Variants in FUT8 observed in about 807,000 individuals in gnomAD.
The protein encoded by FUT8 is fucosyltransferase 8.
FUT8 carries 29 observed loss-of-function variants against 71.3 expected under a neutral mutation model. That is an observed-to-expected ratio of 0.41 (90% CI 0.30 to 0.55). The LOEUF (loss-of-function observed/expected upper bound fraction) is 0.55. Among genes scored for constraint, FUT8 ranks in the 20% least tolerant of loss-of-function variants. The probability of loss-of-function intolerance (pLI) is 0.34; values close to 1 mark genes in which losing one functional copy is unlikely to be tolerated. For missense variants in FUT8, 544 were observed against 702.1 expected, an observed-to-expected ratio of 0.77 and a Z score of 2.55; for synonymous variants, 254 against 239.3, an observed-to-expected ratio of 1.06 and a Z score of -0.57.
rs532826662 is a variant in FUT8 at position 65,643,260 on chromosome 14, T to C, written c.597+13654T>C. Among the ~76,000 whole-genome samples the C allele has an allele frequency of 1.3e-5, 2 of 152,312 alleles. No individual in the cohort carries two copies. The highest frequency in any genetic ancestry group is 2.9e-5 in the Non-Finnish European group (2 of 68,028). The stretch of plus-strand genomic sequence containing the variant: ...ATATTTTTATATATTCAAATTCTCT[T>C]AATTATCAATAATAAAAGGCTTTCA... On this transcript the variant is annotated intron_variant, in intron 6 of 10. Transcript: ENST00000673929. This position sits in a 1 kb window ranked among gnomAD's most constrained non-coding sequence, Gnocchi z 4.5.
chr14:65,370,209 T>G, the FUT8 span, among the ~76,000 whole-genome samples: 1 of 137,102 alleles, frequency 7.3e-6, no homozygotes, highest in Middle Eastern at 3.5e-3. Flanking sequence ...GTCTTTTTTT[T>G]TTTTTTTTTT....
intron 1 of FUT8, among the ~76,000 whole-genome samples, chr14:65,431,098 T>C (rs952766961): frequency 1.3e-5 from 2 of 149,662 alleles, no homozygotes; most frequent in Non-Finnish European, 3.0e-5. Context: ...CGGGTTCAAA[T>C]GATTCTCCTG....
rs562349783 is a variant in FUT8, at chr14:65,719,659, A to G, written c.836-2116A>G. Among the ~76,000 whole-genome samples the G allele has an allele frequency of 2.0e-5, 3 of 152,328 alleles. No individual in the cohort carries two copies. In the East Asian group the frequency reaches 5.8e-4, roughly 29 times the overall value. On this transcript the variant is annotated intron_variant, in intron 7 of 10. Transcript: ENST00000673929. ...AGTTTTGGTCATTGCAGCCATATCT[A>G]CATTAGGGGGCACCCCAAGCCCGAT... is the stretch of plus-strand genomic sequence containing the variant.
At chr14:65,481,983 T>G (rs1446203979) in intron 2 of FUT8, among the ~76,000 whole-genome samples, 3 of 152,140 alleles carry the variant, frequency 2.0e-5, no homozygotes, top group Admixed American at 2.0e-4. Context: ...TATGATGAAA[T>G]TTGTTTGTTC....
intron 7 of FUT8, among the ~76,000 whole-genome samples, chr14:65,677,151 T>TGTGTGTGTGTGTGTGTGTGTGCGC: frequency 3.6e-4 from 40 of 110,742 alleles, no homozygotes; most frequent in Non-Finnish European, 5.0e-4. Context: ...TGTGTGTGTG[T>TGTGTGTGTGTGTGTGTGTGTGCGC]GCGCGCGCGC....
At chr14:65,510,732 C>T (rs193029409) in intron 2 of FUT8, among the ~76,000 whole-genome samples, 1 of 152,158 alleles carries the variant, frequency 6.6e-6, no homozygotes, top group East Asian at 1.9e-4. Flanking sequence ...TAGTAGTAGC[C>T]ACTAATGATT....
intron 3 of FUT8, among the ~76,000 whole-genome samples, chr14:65,588,230 C>A (rs1175440421): frequency 2.0e-5 from 3 of 152,264 alleles, no homozygotes; most frequent in African/African-American, 4.8e-5. Flanking sequence ...AAAATAAGTT[C>A]ATTTTTACTG....
intron 6 of FUT8, among the ~76,000 whole-genome samples, chr14:65,649,274 C>G (rs1444693042): frequency 6.6e-6 from 1 of 152,138 alleles, no homozygotes; most frequent in Non-Finnish European, 1.5e-5. Context: ...TCAGATCTAC[C>G]TGAGGTTGGT....
chr14:65,370,810 G>A, the FUT8 span, among the ~76,000 whole-genome samples: 1 of 152,144 alleles, frequency 6.6e-6, no homozygotes, highest in Non-Finnish European at 1.5e-5. Context: ...TGCAGCATGC[G>A]ATAGAAACTC....
chr14:65,390,221 G>C, the FUT8 span, among the ~76,000 whole-genome samples: 2 of 150,912 alleles, frequency 1.3e-5, no homozygotes, highest in Admixed American at 1.3e-4. Context: ...CAGGTACAGT[G>C]GCTTGCACTT....
chr14:65,514,306 G>T (rs555910396), intron 2 of FUT8, among the ~76,000 whole-genome samples: 3 of 152,216 alleles, frequency 2.0e-5, no homozygotes, highest in East Asian at 3.9e-4. Context: ...ATGGCCTCCT[G>T]TCCTATCAGT....
At chr14:65,372,718 CCTT>C in the FUT8 span, among the ~76,000 whole-genome samples, 1 of 152,168 alleles carries the variant, frequency 6.6e-6, no homozygotes, top group East Asian at 1.9e-4. Context: ...TGCCCGGCCT[CCTT>C]CTTTCTTTAG....
intron 6 of FUT8, among the ~76,000 whole-genome samples, chr14:65,648,230 C>T (rs1225908019): frequency 1.3e-5 from 2 of 152,210 alleles, no homozygotes; most frequent in African/African-American, 4.8e-5. Context: ...TCCTCCTTTA[C>T]AGAACAACTT....
At chr14:65,554,823 CCT>C (rs1170829816) in intron 2 of FUT8, among the ~76,000 whole-genome samples, 1 of 152,122 alleles carries the variant, frequency 6.6e-6, no homozygotes, top group African/African-American at 2.4e-5. Flanking sequence ...CACAGCATGA[CCT>C]CTGTTCATAT....
At chr14:65,435,206 A>G (rs1339645511) in intron 1 of FUT8, among the ~76,000 whole-genome samples, 1 of 152,202 alleles carries the variant, frequency 6.6e-6, no homozygotes, top group East Asian at 1.9e-4. Context: ...CGCTAAATAT[A>G]ATATACAATG....
At chr14:65,593,112 C>T (rs1479491983) in intron 3 of FUT8, among the ~76,000 whole-genome samples, 1 of 152,178 alleles carries the variant, frequency 6.6e-6, no homozygotes, top group East Asian at 1.9e-4. Flanking sequence ...TAATCCCCAA[C>T]ATAATTCTAT....
At chr14:65,408,127 A>G (rs2139329135), upstream of FUT8, among the ~76,000 whole-genome samples, 1 of 152,324 alleles carries the variant, frequency 6.6e-6, no homozygotes, top group Admixed American at 6.5e-5. Flanking sequence ...GGCTTAAACT[A>G]CAAAGGTGTA....
intron 6 of FUT8, among the ~76,000 whole-genome samples, chr14:65,641,384 T>C (rs1890822164): frequency 6.6e-6 from 1 of 152,216 alleles, no homozygotes; most frequent in African/African-American, 2.4e-5. Context: ...TTCTATTATA[T>C]GGTTATGCCA....
rs994127615 is a variant in FUT8, at chr14:65,483,943, G to A, written c.-228+28225G>A. 2.6e-5 allele frequency among the ~76,000 whole-genome samples: 4 copies of A among 152,150 alleles called. No individual in the cohort carries two copies. The highest frequency in any genetic ancestry group is 5.9e-5 in the Non-Finnish European group (4 of 68,026). On this transcript the variant is annotated intron_variant, in intron 2 of 10. Coordinates refer to ENST00000673929, the MANE Select transcript of FUT8 (RefSeq NM_001371533.1). The surrounding 1 kb of genome is among the most constrained non-coding windows in gnomAD (Gnocchi z 4.4). ...GGATTTCACCATCTTGGCCAGGCTG[G>A]TCTCGAACTCCTGACCTCAAGTATC...
Sources: gnomAD v4.1 joint callset for allele counts (sites outside exome capture counted in the v4.1 genomes callset) on GRCh38, gnomAD v4.1.1 for gene constraint, Gnocchi (gnomAD v3.1) non-coding constraint, MANE v1.5 for transcripts, NCBI Gene and HGNC (gene_info 2026-07-23, HGNC 2026-07-21) for gene names.